ATXN7L1: variants seen among roughly 807,000 people sequenced by gnomAD.
ATXN7L1 encodes ataxin-7-like protein 1.
A neutral mutation model predicts 70.8 loss-of-function variants in ATXN7L1; 15 were observed. The observed-to-expected ratio is 0.21, with a 90% CI of 0.14 to 0.33. The LOEUF (loss-of-function observed/expected upper bound fraction) is 0.33, where lower values mean the gene tolerates loss of function less well. Ranked by LOEUF, ATXN7L1 falls within the 10% of genes least tolerant of loss-of-function variation. The pLI, the probability that ATXN7L1 is intolerant of heterozygous loss-of-function variation, is 1.00. For synonymous variants in ATXN7L1, 440 were observed against 445.1 expected (o/e 0.99, Z 0.14); for missense variants, 975 against 1,097.1 (o/e 0.89, Z 1.57).
At chr7:105,762,413 G>A (rs1445216682) in intron 3 of ATXN7L1, among the ~76,000 whole-genome samples, 1 of 152,110 alleles carries the variant, frequency 6.6e-6, no homozygotes, top group African/African-American at 2.4e-5. Flanking sequence ...CTCTTCTCTG[G>A]AACCAAATCT....
At chr7:105,731,748 A>AAAAGAAAAGAAAAG (rs1554443678) in intron 3 of ATXN7L1, among the ~76,000 whole-genome samples, 3 of 106,964 alleles carry the variant, frequency 2.8e-5, no homozygotes, top group Non-Finnish European at 5.2e-5. Context: ...CTTACTCCTT[A>AAAAGAAAAGAAAAG]AAAAGAAAAG....
At chr7:105,857,082 G>C (rs756353160) in intron 2 of ATXN7L1, among the ~76,000 whole-genome samples, 1 of 152,168 alleles carries the variant, frequency 6.6e-6, no homozygotes, top group Admixed American at 6.5e-5. Context: ...AGCCCTCAAA[G>C]CCTTTGCTTA....
intron 4 of ATXN7L1, among the ~76,000 whole-genome samples, chr7:105,658,750 T>C (rs1386232923): frequency 6.6e-6 from 1 of 151,972 alleles, no homozygotes; most frequent in Non-Finnish European, 1.5e-5. Flanking sequence ...GCTAGGCTGG[T>C]CTCGAACTCT....
chr7:105,777,131 AG>A (rs1228003727), intron 3 of ATXN7L1, among the ~76,000 whole-genome samples: 1 of 152,124 alleles, frequency 6.6e-6, no homozygotes, highest in East Asian at 1.9e-4. Context: ...CTCACTGTCT[AG>A]TGTTCACAGT....
chr7:105,730,954 G>A (rs939478155), intron 3 of ATXN7L1, among the ~76,000 whole-genome samples: 1 of 152,090 alleles, frequency 6.6e-6, no homozygotes, highest in African/African-American at 2.4e-5. Context: ...AACCAGGTGC[G>A]GGATATATAT....
At chr7:105,871,084 G>GTTTTTTTTTTTTTTT (rs3999852) in intron 2 of ATXN7L1, among the ~76,000 whole-genome samples, 1 of 135,056 alleles carries the variant, frequency 7.4e-6, no homozygotes. Context: ...GAGGGCTTGG[G>GTTTTTTTTTTTTTTT]TTTTTTTTTT....
chr7:105,633,481 G>A (rs529075156), intron 7 of ATXN7L1, among the ~76,000 whole-genome samples: 1 of 152,310 alleles, frequency 6.6e-6, no homozygotes, highest in African/African-American at 2.4e-5. Flanking sequence ...ACTTTGGGAG[G>A]CTGAGGTGGG....
chr7:105,636,256 A>G (rs1454974660), intron 7 of ATXN7L1, among the ~76,000 whole-genome samples: 2 of 152,134 alleles, frequency 1.3e-5, no homozygotes, highest in African/African-American at 4.8e-5. Flanking sequence ...TTAGCCAGGC[A>G]TGGCGGCACA....
At chr7:105,617,934 C>T (rs572975057) in intron 9 of ATXN7L1, 72 of 456,678 alleles carry the variant, frequency 1.6e-4, no homozygotes, top group South Asian at 9.4e-4. Context: ...TCGGGCCCGC[C>T]GGGGCCTGGG....
intron 2 of ATXN7L1, among the ~76,000 whole-genome samples, chr7:105,849,379 C>T (rs1055946812): frequency 3.3e-5 from 5 of 152,202 alleles, no homozygotes; most frequent in South Asian, 2.1e-4. Flanking sequence ...ACCTGAGATG[C>T]GCAGGAATTC....
chr7:105,787,643 G>T lies in ATXN7L1; in HGVS notation c.355+961C>A, dbSNP rs137982652. On this transcript the variant is annotated intron_variant, in intron 3 of 11. Transcript: ENST00000419735. ...TAGAATAATGATAACTGAAGAGGTG[G>T]GGAAAAGTCAGAAATTCGGAACGTG... Among the ~76,000 whole-genome samples, 898 of 152,258 alleles carry T rather than the reference G, an allele frequency of 5.9e-3. 8 individuals carry two copies. Among genetic ancestry groups the T allele is most frequent in the Non-Finnish European group, 9.0e-3 (610 of 68,026 alleles).
chr7:105,846,259 A>C (rs185711987), intron 2 of ATXN7L1, among the ~76,000 whole-genome samples: 6 of 152,274 alleles, frequency 3.9e-5, no homozygotes, highest in Admixed American at 1.3e-4. Flanking sequence ...GGATCGCTTG[A>C]GCCTAGGAGA....
At chr7:105,621,394 G>A (rs1706927) in intron 8 of ATXN7L1, among the ~76,000 whole-genome samples, 145,824 of 152,258 alleles carry the variant, frequency 0.96, 70,143 homozygotes, top group East Asian at 1. Context: ...GCTGTTTTAC[G>A]TTATACACAG....
intron 6 of ATXN7L1, 51 bp downstream of exon 6, chr7:105,639,436 G>T: frequency 1.4e-6 from 2 of 1,443,748 alleles, no homozygotes; most frequent in South Asian, 2.4e-5. Context: ...CAAACATTTC[G>T]ACAAAGGCCC....
chr7:105,684,750 G>A (rs1357799601), intron 3 of ATXN7L1, among the ~76,000 whole-genome samples: 5 of 152,158 alleles, frequency 3.3e-5, no homozygotes, highest in African/African-American at 4.8e-5. Flanking sequence ...CATACACAAC[G>A]TGGAAGAGGA....
intron 2 of ATXN7L1, among the ~76,000 whole-genome samples, chr7:105,853,282 C>T (rs1815160168): frequency 6.6e-6 from 1 of 152,260 alleles, no homozygotes; most frequent in African/African-American, 2.4e-5. Flanking sequence ...CATGCAGTGA[C>T]TCACGCCTGT....
At chr7:105,737,931 T>C (rs1584885626) in intron 3 of ATXN7L1, among the ~76,000 whole-genome samples, 1 of 152,176 alleles carries the variant, frequency 6.6e-6, no homozygotes, top group Non-Finnish European at 1.5e-5. Flanking sequence ...TTCTGTACTA[T>C]GTAATCCTTT....
At chr7:105,723,183 G>A (rs2116307229) in intron 3 of ATXN7L1, among the ~76,000 whole-genome samples, 1 of 152,252 alleles carries the variant, frequency 6.6e-6, no homozygotes, top group East Asian at 1.9e-4. Context: ...GAGGGCTCGG[G>A]GTTAGACACA....
At chr7:105,656,159 G>C (rs1191255521) in intron 4 of ATXN7L1, among the ~76,000 whole-genome samples, 1 of 152,238 alleles carries the variant, frequency 6.6e-6, no homozygotes, top group Non-Finnish European at 1.5e-5. Flanking sequence ...GGTTACCGAA[G>C]TGATAGCAGC....
Sources: gnomAD v4.1 joint callset for allele counts (sites outside exome capture counted in the v4.1 genomes callset) on GRCh38, gnomAD v4.1.1 for gene constraint, MANE v1.5 for transcripts, NCBI Gene and HGNC (gene_info 2026-07-23, HGNC 2026-07-21) for gene names.